Variants in ZNF577 observed in about 807,000 individuals in gnomAD.
ZNF577 encodes zinc finger protein 577.
ZNF577 carries 14 observed loss-of-function variants against 13.9 expected under a neutral mutation model. That is an observed-to-expected ratio of 1.00 (90% CI 0.66 to 1.57). The LOEUF (loss-of-function observed/expected upper bound fraction) is 1.57, where lower values mean the gene tolerates loss of function less well. Ranked by LOEUF, ZNF577 falls within the 40% of genes most tolerant of loss-of-function variation. The pLI is 0.00. For missense variants in ZNF577, 555 were observed against 579.2 expected (o/e 0.96, Z 0.43); for synonymous variants, 203 against 202.9 (o/e 1.00, Z 0.00).
intron 10 of ZNF577, among the ~76,000 whole-genome samples, chr19:51,808,869 T>C (rs1250330828): frequency 2.0e-5 from 3 of 152,230 alleles, no homozygotes; most frequent in African/African-American, 7.2e-5. Flanking sequence ...ATTGTTCTTT[T>C]ACTAGCTGCT....
At chr19:51,823,598 C>T in intron 9 of ZNF577, 1 of 664,052 alleles carries the variant, frequency 1.5e-6, no homozygotes, top group Non-Finnish European at 2.5e-6. Flanking sequence ...CGAGAGAGTG[C>T]CAATTTTATG....
chr19:51,875,968 T>TC (rs1329296431), intron 5 of ZNF577, among the ~76,000 whole-genome samples: 1 of 152,090 alleles, frequency 6.6e-6, no homozygotes, highest in East Asian at 1.9e-4. Flanking sequence ...TCAAGGCAAC[T>TC]CCAAGGTGAC....
chr19:51,838,333 T>G (rs1182622553), intron 9 of ZNF577, among the ~76,000 whole-genome samples: 1 of 147,816 alleles, frequency 6.8e-6, no homozygotes, highest in Non-Finnish European at 1.5e-5. Context: ...ACACGATTGA[T>G]GCAAAGATGG....
intron 9 of ZNF577, among the ~76,000 whole-genome samples, chr19:51,818,995 T>A (rs1290346071): frequency 2.0e-5 from 3 of 152,214 alleles, no homozygotes; most frequent in African/African-American, 7.2e-5. Context: ...GACAGGGCCA[T>A]GGACATGGGT....
At chr19:51,865,462 G>C (rs1394516926), downstream of ZNF577, among the ~76,000 whole-genome samples, 1 of 152,160 alleles carries the variant, frequency 6.6e-6, no homozygotes, top group Non-Finnish European at 1.5e-5. Flanking sequence ...CCACCTTCTA[G>C]GTTGCTTTGA....
intron 1 of ZNF577, among the ~76,000 whole-genome samples, chr19:51,883,402 G>A (rs2084894295): frequency 6.6e-6 from 1 of 152,090 alleles, no homozygotes; most frequent in Non-Finnish European, 1.5e-5. Context: ...TAGGATTACA[G>A]GCATGAGCGA....
intron 10 of ZNF577, among the ~76,000 whole-genome samples, chr19:51,809,270 G>A (rs1392407365): frequency 1.3e-5 from 2 of 152,210 alleles, no homozygotes; most frequent in Non-Finnish European, 2.9e-5. Flanking sequence ...AAATCTCAGT[G>A]CTCTGTTGAA....
intron 1 of ZNF577, among the ~76,000 whole-genome samples, chr19:51,884,502 T>G (rs1370152424): frequency 6.6e-6 from 1 of 151,956 alleles, no homozygotes; most frequent in African/African-American, 2.4e-5. Flanking sequence ...AAAGTTAGAG[T>G]CATCAGAGCC....
At chr19:51,878,185 A>T (rs2084796818) in intron 4 of ZNF577, 2 of 381,456 alleles carry the variant, frequency 5.2e-6, no homozygotes, top group African/African-American at 4.0e-5. Context: ...TGGTGGCTGC[A>T]TAACACTATG....
chr19:51,819,434 C>T (rs2084171260), intron 9 of ZNF577, among the ~76,000 whole-genome samples: 2 of 152,088 alleles, frequency 1.3e-5, no homozygotes, highest in Admixed American at 6.5e-5. Flanking sequence ...AAAGAGGTGG[C>T]CAATTGAGCT....
chr19:51,865,591 T>C (rs545756216), downstream of ZNF577, among the ~76,000 whole-genome samples: 10 of 152,254 alleles, frequency 6.6e-5, no homozygotes, highest in Admixed American at 2.6e-4. Context: ...TCTAAGTCAA[T>C]ATAAAGAGAG....
intron 1 of ZNF577, among the ~76,000 whole-genome samples, chr19:51,883,166 T>C (rs973121916): frequency 6.6e-6 from 1 of 152,002 alleles, no homozygotes; most frequent in Non-Finnish European, 1.5e-5. Context: ...CTAATTTTTG[T>C]ATTTGTAGTA....
chr19:51,821,903 A>C (rs1234216164), intron 9 of ZNF577, among the ~76,000 whole-genome samples: 1 of 152,178 alleles, frequency 6.6e-6, no homozygotes, highest in East Asian at 1.9e-4. Flanking sequence ...AATTGCTGTT[A>C]CTTTTAGAGA....
At chr19:51,884,541 C>G (rs1310108004) in intron 1 of ZNF577, among the ~76,000 whole-genome samples, 1 of 151,872 alleles carries the variant, frequency 6.6e-6, no homozygotes, top group Non-Finnish European at 1.5e-5. Context: ...CTTTACAGTA[C>G]AGAGATGACT....
intron 9 of ZNF577, among the ~76,000 whole-genome samples, chr19:51,816,200 C>T (rs997441469): frequency 2.0e-5 from 3 of 152,192 alleles, no homozygotes; most frequent in Non-Finnish European, 4.4e-5. Context: ...CTCTCCCTTG[C>T]TATATACTTG....
At chr19:51,878,194 T>C (rs2084796958) in intron 4 of ZNF577, 195 bp downstream of exon 4, 1 of 412,676 alleles carries the variant, frequency 2.4e-6, no homozygotes, top group Non-Finnish European at 4.3e-6. Context: ...CATAACACTA[T>C]GTGCGCGAAT....
At chr19:51,874,487 T>TAAA (rs71900163) in intron 5 of ZNF577, among the ~76,000 whole-genome samples, 6,450 of 144,164 alleles carry the variant, frequency 0.045, 456 homozygotes, top group African/African-American at 0.15. Context: ...TTAGGTGTGA[T>TAAA]AAAAAAAAAA....
intron 9 of ZNF577, among the ~76,000 whole-genome samples, chr19:51,827,439 G>A (rs1329870412): frequency 6.6e-6 from 1 of 152,152 alleles, no homozygotes; most frequent in Non-Finnish European, 1.5e-5. Context: ...CTGAGGGCAG[G>A]TATTTTGGTC....
At position 51,877,014 on chromosome 19, in the gene ZNF577, G is replaced by C. The variant is rs535426143; in HGVS notation, c.283+268C>G. Among the ~76,000 whole-genome samples, 13 of 152,092 alleles carry C rather than the reference G, an allele frequency of 8.5e-5. No homozygotes were observed. In the South Asian group the frequency reaches 2.7e-3, roughly 32 times the overall value. On this transcript the variant is annotated intron_variant, in intron 5 of 5. Transcript: ENST00000638348. ...AAGGAAGGGGCAAAAGTCAGGAGCA[G>C]GCTGGGAAGAATGGAACCAGGTAAG...
Sources: allele counts gnomAD v4.1 joint callset (sites outside exome capture counted in the v4.1 genomes callset), GRCh38; gene constraint gnomAD v4.1.1; transcripts MANE v1.5; gene names NCBI Gene and HGNC (gene_info 2026-07-23, HGNC 2026-07-21).